CD163: variants seen among roughly 807,000 people sequenced by gnomAD.
CD163 encodes CD163 molecule.
Under a neutral mutation model 129.2 loss-of-function variants are expected in CD163, and 64 were observed. The ratio of observed to expected loss-of-function variants is 0.50; its 90% confidence interval spans 0.41 to 0.61. The LOEUF is 0.61. Among genes scored for constraint, CD163 ranks in the 20% least tolerant of loss-of-function variants. The pLI is 0.00. For synonymous variants in CD163, 446 were observed against 478.5 expected (o/e 0.93, Z 0.89); for missense variants, 1,061 against 1,377.9 (o/e 0.77, Z 3.64).
intron 16 of CD163, among the ~76,000 whole-genome samples, chr12:7,472,590 AG>A (rs1949020894): frequency 6.6e-6 from 1 of 152,218 alleles, no homozygotes; most frequent in South Asian, 2.1e-4. Flanking sequence ...CAAATATCAA[AG>A]GTAGATAAAT....
chr12:7,475,591 AAAT>A (rs1453435882), intron 16 of CD163, among the ~76,000 whole-genome samples: 1 of 152,204 alleles, frequency 6.6e-6, no homozygotes, highest in East Asian at 1.9e-4. Flanking sequence ...ACGTATCTCA[AAAT>A]AATAAGAGCT....
At chr12:7,483,234 G>T in intron 12 of CD163, 133 bp downstream of exon 12, 1 of 877,586 alleles carries the variant, frequency 1.1e-6, no homozygotes, top group Non-Finnish European at 1.7e-6. Context: ...TTTCAGTAGA[G>T]ACATTATGAT....
chr12:7,485,483 C>G lies in CD163; in HGVS notation c.2459-67G>C. Reference sequence around the variant, plus strand: ...AAGATTCAGAGACTCCTTCCCTTTACCTTGATGTAAGAATGGCTTTAAAAA... The same window carrying G: ...AAGATTCAGAGACTCCTTCCCTTTAGCTTGATGTAAGAATGGCTTTAAAAA... On this transcript the variant is annotated intron_variant, in intron 10 of 16. Coordinates refer to ENST00000432237, the MANE Select transcript of CD163 (RefSeq NM_203416.4). This position sits in a 1 kb window ranked among gnomAD's most constrained non-coding sequence, Gnocchi z 4.5. 7.8e-7 allele frequency: 1 copy of G among 1,284,226 alleles called. No individual in the cohort carries two copies. Among genetic ancestry groups the G allele is most frequent in the Non-Finnish European group, 1.1e-6 (1 of 912,790 alleles). 79.6% of individuals were successfully genotyped at this position (1,284,226 alleles called of 1,614,324 possible). A position where few individuals can be genotyped will look rare whatever the true frequency, so the allele number is the denominator to read the frequency against.
chr12:7,483,047 T>G (rs1345670030), intron 12 of CD163, 43 bp from the exon 13 acceptor site: 1 of 1,587,764 alleles, frequency 6.3e-7, no homozygotes, highest in South Asian at 1.1e-5. Context: ...CTTTGCATGA[T>G]ATATAGAACA....
chr12:7,498,115 TC>T (rs928370207), intron 4 of CD163, among the ~76,000 whole-genome samples: 4 of 149,332 alleles, frequency 2.7e-5, no homozygotes, highest in Non-Finnish European at 5.9e-5. Context: ...GAATGGAAGT[TC>T]CTTTATTTAC....
chr12:7,486,388 G>C, intron 10 of CD163, 111 bp downstream of exon 10: 1 of 1,062,460 alleles, frequency 9.4e-7, no homozygotes, highest in East Asian at 2.4e-5. Context: ...TCCCACAATA[G>C]TTCCTTTTGG....
At chr12:7,484,497 G>T (rs1241063815) in intron 11 of CD163, among the ~76,000 whole-genome samples, 1 of 152,056 alleles carries the variant, frequency 6.6e-6, no homozygotes, top group East Asian at 1.9e-4. Context: ...AAATTAGCTG[G>T]GCATGGTGGC....
At chr12:7,490,137 C>G (rs1299087600) in intron 6 of CD163, among the ~76,000 whole-genome samples, 2 of 151,744 alleles carry the variant, frequency 1.3e-5, no homozygotes, top group Non-Finnish European at 2.9e-5. Flanking sequence ...AGACATAAAA[C>G]TAACAAATAA....
At chr12:7,475,857 ACTC>A (rs1949079948) in intron 16 of CD163, among the ~76,000 whole-genome samples, 1 of 152,020 alleles carries the variant, frequency 6.6e-6, no homozygotes, top group East Asian at 1.9e-4. Context: ...CAGCCGAAAA[ACTC>A]CTTAAGCAGA....
chr12:7,495,112 A>G lies in CD163; in HGVS notation c.1389T>C (p.Asp463=). Residue 463 remains aspartate (D), a synonymous_variant, in exon 6 of 17, where the codon GAT becomes GAC. Coordinates refer to ENST00000432237, the MANE Select transcript of CD163 (RefSeq NM_203416.4). ...KNWQWGGLTC[D]HYEEAKITCS... ...AGGTAATTTTGGCTTCTTCATAGTG[A>G]TCACAGGTAAGTCCACCCCATTGCC... 1 of 1,614,124 alleles carries G rather than the reference A, an allele frequency of 6.2e-7. No homozygotes were observed. Among genetic ancestry groups the G allele is most frequent in the Non-Finnish European group, 8.5e-7 (1 of 1,179,968 alleles).
intron 16 of CD163, among the ~76,000 whole-genome samples, chr12:7,473,912 A>G (rs2136680452): frequency 6.6e-6 from 1 of 152,274 alleles, no homozygotes; most frequent in South Asian, 2.1e-4. Flanking sequence ...AAAAAAAAGA[A>G]AACAGGGGTT....
intron 3 of CD163, among the ~76,000 whole-genome samples, chr12:7,500,731 T>C (rs770404327): frequency 6.6e-6 from 1 of 152,294 alleles, no homozygotes; most frequent in Admixed American, 6.5e-5. Context: ...AAGTTGATTA[T>C]CAGTTAATGG....
In CD163 at chr12:7,483,599, T is replaced by C. The variant is rs1442255159; in HGVS notation, c.2856A>G (p.Thr952=). The change falls in exon 12 of 17, where the codon ACA becomes ACG. Residue 952 remains threonine (T), a synonymous_variant. Coordinates refer to ENST00000432237, the MANE Select transcript of CD163 (RefSeq NM_203416.4). The part of the protein sequence containing the change: ...VEIWHGGSWG[T]VCDDSWDLDD... Reference sequence around the variant, plus strand: ...CCAAGTCCCAAGAGTCATCACACACTGTCCCCCAGGAACCTCCATGCCAGA... The same window carrying C: ...CCAAGTCCCAAGAGTCATCACACACCGTCCCCCAGGAACCTCCATGCCAGA... 1 of 1,613,752 alleles carries C rather than the reference T, an allele frequency of 6.2e-7. No individual in the cohort carries two copies. The highest frequency in any genetic ancestry group is 8.5e-7 in the Non-Finnish European group (1 of 1,179,928).
chr12:7,500,526 G>A (rs1256227303), intron 3 of CD163, among the ~76,000 whole-genome samples: 1 of 151,746 alleles, frequency 6.6e-6, no homozygotes, highest in Non-Finnish European at 1.5e-5. Context: ...CAGCAGAAAG[G>A]CCTGACACAT....
chr12:7,479,865 T>G lies in CD163; in HGVS notation c.*26A>C. The G allele has an allele frequency of 6.2e-7, 1 of 1,612,294 alleles. No homozygotes were observed. The highest frequency in any genetic ancestry group is 1.1e-5 in the South Asian group (1 of 90,776). On this transcript the variant is annotated 3_prime_UTR_variant, in exon 16 of 17. Transcript: ENST00000432237. ...AATAAATTCTCATCACTCACCTCAC[T>G]GGGTTATAAATTCCCATTTTCCTTT...
Position 7,496,951 on chromosome 12 carries a change from C to T in CD163, c.961G>A (p.Ala321Thr), listed in dbSNP as rs1008621132. 6.2e-7 allele frequency: 1 copy of T among 1,614,098 alleles called. No homozygotes were observed. Among genetic ancestry groups the T allele is most frequent in the South Asian group, 1.1e-5 (1 of 91,092 alleles). Residue 321 changes from alanine (A) to threonine (T), a missense_variant, in exon 5 of 17, where the codon GCC becomes ACC. Ala to Thr is a moderately conservative substitution (Grantham distance 58). Coordinates refer to ENST00000432237, the MANE Select transcript of CD163 (RefSeq NM_203416.4). This position sits in a 1 kb window ranked among gnomAD's most constrained non-coding sequence, Gnocchi z 4.8. ...TAVTAIGRVN[A>T]SKGFGHIWLD... ...CAGATGTGTCCAAATCCCTTACTGGCGTTAACTCGACCAATGGCTGTGACG... is the reference window on the plus strand; with the variant it reads ...CAGATGTGTCCAAATCCCTTACTGGTGTTAACTCGACCAATGGCTGTGACG...
intron 5 of CD163, 127 bp from the exon 6 acceptor site, chr12:7,495,528 T>C: frequency 1.2e-6 from 1 of 800,228 alleles, no homozygotes; most frequent in South Asian, 1.9e-5. Context: ...TTTCCTGACT[T>C]TTTAAGAAAC....
At chr12:7,480,554 G>A (rs1949148807) in intron 15 of CD163, 2 of 153,206 alleles carry the variant, frequency 1.3e-5, no homozygotes, top group Non-Finnish European at 2.9e-5. Flanking sequence ...ACGTATGTAG[G>A]TCAGAGGATA....
chr12:7,496,683 T>A lies in CD163; in HGVS notation c.1099+130A>T. 1 of 727,958 alleles carries A rather than the reference T, an allele frequency of 1.4e-6. No homozygotes were observed. The highest frequency in any genetic ancestry group is 1.7e-5 in the South Asian group (1 of 60,290). The allele number at this position is 727,958 out of a possible 1,614,324, so 45.1% of individuals were successfully genotyped here. ...TCAAAGATTACAGGTATAAAGGAAT[T>A]CCCAGCAAGGAATTTACTAGGCATT... On this transcript the variant is annotated intron_variant, in intron 5 of 16. Transcript: ENST00000432237. The surrounding 1 kb of genome is among the most constrained non-coding windows in gnomAD (Gnocchi z 4.8).
Sources: allele counts gnomAD v4.1 joint callset (sites outside exome capture counted in the v4.1 genomes callset), GRCh38; gene constraint gnomAD v4.1.1; non-coding constraint Gnocchi (gnomAD v3.1); transcripts MANE v1.5; gene names NCBI Gene and HGNC (gene_info 2026-07-23, HGNC 2026-07-21).